Variants in PLA2G6 observed in about 807,000 individuals in gnomAD.
The protein encoded by PLA2G6 is phospholipase A2 group VI.
PLA2G6 carries 62 observed loss-of-function variants against 83.8 expected under a neutral mutation model. That is an observed-to-expected ratio of 0.74 (90% CI 0.60 to 0.91). The LOEUF (loss-of-function observed/expected upper bound fraction) is 0.91, where lower values mean the gene tolerates loss of function less well. Among genes scored for constraint, PLA2G6 ranks in the 40% least tolerant of loss-of-function variants. The probability of loss-of-function intolerance (pLI) is 0.00; values close to 1 mark genes in which losing one functional copy is unlikely to be tolerated. For synonymous variants in PLA2G6, 417 were observed against 449.8 expected, an observed-to-expected ratio of 0.93 and a Z score of 0.92; for missense variants, 944 against 1,102.0, an observed-to-expected ratio of 0.86 and a Z score of 2.03.
intron 9 of PLA2G6, among the ~76,000 whole-genome samples, chr22:38,127,859 G>A (rs1174558898): frequency 6.6e-6 from 1 of 152,172 alleles, no homozygotes; most frequent in South Asian, 2.1e-4. Context: ...AGGCCCAACC[G>A]AGATTCAAAC....
At chr22:38,152,645 T>C (rs2089612948) in intron 2 of PLA2G6, among the ~76,000 whole-genome samples, 1 of 152,212 alleles carries the variant, frequency 6.6e-6, no homozygotes, top group Non-Finnish European at 1.5e-5. Context: ...TAAAACCTCT[T>C]TTCTATGTAT....
At chr22:38,158,238 C>T (rs1283975688) in intron 2 of PLA2G6, among the ~76,000 whole-genome samples, 4 of 147,384 alleles carry the variant, frequency 2.7e-5, no homozygotes, top group Non-Finnish European at 6.0e-5. Context: ...GGTGCAATCT[C>T]GGCTCACTGC....
chr22:38,149,977 T>TC (rs2089479113), intron 2 of PLA2G6: 1 of 144,878 alleles, frequency 6.9e-6, no homozygotes. Flanking sequence ...AGAGTGAAAC[T>TC]CCATCTCCAA....
At chr22:38,112,437 G>A in intron 16 of PLA2G6, 67 bp downstream of exon 16, 3 of 1,504,546 alleles carry the variant, frequency 2.0e-6, no homozygotes, top group Non-Finnish European at 2.7e-6. Context: ...AGGGCTGGGA[G>A]GGGAAGGTCG....
intron 15 of PLA2G6, 38 bp from the exon 16 acceptor site, chr22:38,112,615 C>A (rs184895129): frequency 6.7e-7 from 1 of 1,502,384 alleles, no homozygotes; most frequent in Non-Finnish European, 9.0e-7. Flanking sequence ...CGGGCCCACA[C>A]CCCGCCCGGC....
At chr22:38,140,677 T>C in intron 4 of PLA2G6, 1 of 178,710 alleles carries the variant, frequency 5.6e-6, no homozygotes, top group Non-Finnish European at 1.2e-5. Context: ...TGGGAATGAT[T>C]CTTGCTTTTC....
In PLA2G6 at chr22:38,128,501, C is replaced by G; in HGVS notation, c.1187-71G>C. 6.6e-7 allele frequency: 1 copy of G among 1,519,738 alleles called. No homozygotes were observed. Among genetic ancestry groups the G allele is most frequent in the South Asian group, 1.1e-5 (1 of 87,392 alleles). 94.1% of individuals were successfully genotyped at this position (1,519,738 alleles called of 1,614,324 possible). On this transcript the variant is annotated intron_variant, in intron 8 of 16. Transcript: ENST00000332509. This position sits in a 1 kb window ranked among gnomAD's most constrained non-coding sequence, Gnocchi z 4.4. ...ATGTCAACATGCAAAGGAGAGGCCCCTCCTTTCCACACTCCGTCCCCTGTC... is the reference window on the plus strand; with the variant it reads ...ATGTCAACATGCAAAGGAGAGGCCCGTCCTTTCCACACTCCGTCCCCTGTC...
intron 14 of PLA2G6, among the ~76,000 whole-genome samples, chr22:38,114,412 C>T (rs920030485): frequency 6.6e-6 from 1 of 152,190 alleles, no homozygotes; most frequent in African/African-American, 2.4e-5. Context: ...GTCTCGATCT[C>T]CTGACCTCAT....
Position 38,113,588 on chromosome 22 carries a change from C to T in PLA2G6, c.2101G>A (p.Val701Met), listed in dbSNP as rs1425743942. 2 of 1,613,630 alleles carry T rather than the reference C, an allele frequency of 1.2e-6. No individual in the cohort carries two copies. The highest frequency in any genetic ancestry group is 3.3e-5 in the Admixed American group (2 of 60,012). The change falls in exon 15 of 17, where the codon GTG becomes ATG. Residue 701 changes from valine to methionine, a missense_variant. Transcript: ENST00000332509. ...VSLGTGRSPQ[V>M]PVTCVDVFRP... ...AAGACATCCACACAGGTCACAGGCA[C>T]TTGTGGGGACCTCCCTGTCCCCAGG...
intron 13 of PLA2G6, 114 bp downstream of exon 13, chr22:38,115,961 G>A: frequency 6.8e-7 from 1 of 1,479,630 alleles, no homozygotes. Context: ...CAGTGCAGCG[G>A]GTGGGCTGGT....
rs11570666 is a variant in PLA2G6, at chr22:38,135,180, G to A, written c.798-96C>T. The stretch of plus-strand genomic sequence containing the variant: ...TGGAGCTTCATCTACTGCTTACAGA[G>A]AGCATCACTGCAAACAAAGTTCAGC... On this transcript the variant is annotated intron_variant, in intron 5 of 16. Coordinates refer to ENST00000332509, the MANE Select transcript of PLA2G6 (RefSeq NM_003560.4). The A allele has an allele frequency of 6.9e-3, 5,661 of 818,632 alleles. 210 individuals are homozygous for A. In the African/African-American group the frequency reaches 0.083, roughly 12 times the overall value. The allele number at this position is 818,632 out of a possible 1,614,324, so 50.7% of individuals were successfully genotyped here.
intron 2 of PLA2G6, among the ~76,000 whole-genome samples, chr22:38,159,111 A>G (rs2089908639): frequency 6.6e-6 from 1 of 152,168 alleles, no homozygotes; most frequent in Non-Finnish European, 1.5e-5. Flanking sequence ...AAAAATAAAC[A>G]AAGCCAAAAG....
chr22:38,140,472 C>T (rs559079814), intron 4 of PLA2G6: 2 of 380,066 alleles, frequency 5.3e-6, no homozygotes, highest in East Asian at 1.3e-4. Context: ...TGCATCATTG[C>T]ACTCTAGCCT....
Position 38,126,373 on chromosome 22 carries a change from C to T in PLA2G6, c.1425G>A (p.Arg475=). 6.2e-7 allele frequency: 1 copy of T among 1,612,564 alleles called. No homozygotes were observed. Among genetic ancestry groups the T allele is most frequent in the Non-Finnish European group, 8.5e-7 (1 of 1,178,838 alleles). Residue 475 remains arginine (R), a splice_region_variant and synonymous_variant, in exon 10 of 17, where the codon CGG becomes CGA. Transcript: ENST00000332509. ...GCCCCCGATCTCGATCCACTTACGT[C>T]CGCTTCTCGTCCCTCATGGAGCCCA... The part of the protein sequence containing the change: ...FILGSMRDEK[R]THDHLLCLDG...
At chr22:38,117,819 C>T (rs191957138) in intron 12 of PLA2G6, among the ~76,000 whole-genome samples, 1 of 151,844 alleles carries the variant, frequency 6.6e-6, no homozygotes, top group South Asian at 2.1e-4. Flanking sequence ...GGGTGGATCA[C>T]GAGGTTAGGA....
chr22:38,115,604 C>T lies in PLA2G6; in HGVS notation c.1957G>A (p.Gly653Ser), dbSNP rs754204295. The T allele has an allele frequency of 7.4e-6, 12 of 1,612,576 alleles. No homozygotes were observed. Among genetic ancestry groups the T allele is most frequent in the Admixed American group, 1.7e-5 (1 of 59,858 alleles). Reference sequence around the variant, plus strand: ...GTGGGGTTGTTGGCCAGCAGCCCACCGTCCAGGAAGCGCCCATTGGGTCGG... The same window carrying T: ...GTGGGGTTGTTGGCCAGCAGCCCACTGTCCAGGAAGCGCCCATTGGGTCGG... ...YFRPNGRFLD[G>S]GLLANNPTLD... Residue 653 changes from glycine to serine, a missense_variant, in exon 14 of 17, where the codon GGT becomes AGT. Coordinates refer to ENST00000332509, the MANE Select transcript of PLA2G6 (RefSeq NM_003560.4).
chr22:38,151,699 C>T (rs928275603), intron 2 of PLA2G6, among the ~76,000 whole-genome samples: 23 of 152,132 alleles, frequency 1.5e-4, no homozygotes, highest in Non-Finnish European at 1.2e-4. Context: ...CTAAATAAAA[C>T]AACAGCACAC....
chr22:38,140,098 G>C lies in PLA2G6; in HGVS notation c.681C>G (p.Ala227=). 6.2e-7 allele frequency: 1 copy of C among 1,614,130 alleles called. No homozygotes were observed. Among genetic ancestry groups the C allele is most frequent in the Non-Finnish European group, 8.5e-7 (1 of 1,179,986 alleles). The change falls in exon 5 of 17, where the codon GCC becomes GCG. Residue 227 remains alanine (A), a synonymous_variant. Coordinates refer to ENST00000332509, the MANE Select transcript of PLA2G6 (RefSeq NM_003560.4). ...NNQGLTPLHL[A]CQLGKQEMVR... is the part of the protein sequence containing the mutation. ...CCATCTCCTGCTTCCCCAGCTGGCA[G>C]GCCAGGTGCAGCGGGGTCAGCCCTT...
intron 2 of PLA2G6, among the ~76,000 whole-genome samples, chr22:38,154,826 G>T (rs2089711077): frequency 6.6e-6 from 1 of 152,210 alleles, no homozygotes; most frequent in African/African-American, 2.4e-5. Context: ...TTCAGACAGA[G>T]AATTCAAAAT....
Sources: allele counts gnomAD v4.1 joint callset (sites outside exome capture counted in the v4.1 genomes callset), GRCh38; gene constraint gnomAD v4.1.1; non-coding constraint Gnocchi (gnomAD v3.1); transcripts MANE v1.5; gene names NCBI Gene and HGNC (gene_info 2026-07-23, HGNC 2026-07-21).